SFXN3: variants seen among roughly 807,000 people sequenced by gnomAD.
The protein encoded by SFXN3 is sideroflexin-3.
A neutral mutation model predicts 40.4 loss-of-function variants in SFXN3; 31 were observed. The ratio of observed to expected loss-of-function variants is 0.77; its 90% confidence interval spans 0.58 to 1.04. The LOEUF (loss-of-function observed/expected upper bound fraction) is 1.04. SFXN3 is among the 50% of genes least tolerant of loss of function. The probability of loss-of-function intolerance (pLI) is 0.00; values close to 1 mark genes in which losing one functional copy is unlikely to be tolerated. For missense variants in SFXN3, 366 were observed against 408.2 expected (o/e 0.90, Z 0.89); for synonymous variants, 157 against 160.0 (o/e 0.98, Z 0.14).
rs759590886 is a variant in SFXN3 at position 101,039,528 on chromosome 10, T to G, written c.909T>G (p.Ala303=). The G allele has an allele frequency of 5.5e-5, 88 of 1,613,948 alleles. No individual in the cohort carries two copies. Among genetic ancestry groups the G allele is most frequent in the Middle Eastern group, 1.6e-4 (1 of 6,082 alleles). Residue 303 remains alanine, a synonymous_variant, in exon 12 of 12, where the codon GCT becomes GCG. Coordinates refer to ENST00000393459, the Ensembl canonical transcript of SFXN3. This position sits in a 1 kb window ranked among gnomAD's most constrained non-coding sequence, Gnocchi z 4.6. ...GCAACCTGGAACCAGAGCTGAGAGC[T>G]CAGATCCATGAGCAAAACCCCAGCG... is the stretch of plus-strand genomic sequence containing the variant.
chr10:101,037,231 T>A (rs940071512), intron 8 of SFXN3, 28 bp downstream of exon 8: 13 of 1,613,258 alleles, frequency 8.1e-6, no homozygotes, highest in Non-Finnish European at 9.3e-6. Flanking sequence ...GGGTGGGGCA[T>A]AGGAGACTCT....
intron 2 of SFXN3, among the ~76,000 whole-genome samples, chr10:101,034,311 A>G (rs187539188): frequency 1.6e-3 from 247 of 152,280 alleles, no homozygotes; most frequent in African/African-American, 5.6e-3. Flanking sequence ...GCTTGTAAAC[A>G]TTTTGTTAAC....
In SFXN3 at chr10:101,037,061, C is replaced by T; in HGVS notation, c.594-15C>T. The T allele has an allele frequency of 6.2e-7, 1 of 1,613,352 alleles. No homozygotes were observed. Among genetic ancestry groups the T allele is most frequent in the South Asian group, 1.1e-5 (1 of 91,054 alleles). ...CCGGGGCCTGTGATCTGACCCCAAC[C>T]CCCCTCCCTTGCAGAGAGCTGCAGG... On this transcript the variant is annotated splice_polypyrimidine_tract_variant and intron_variant, in intron 7 of 11. Coordinates refer to ENST00000393459, the Ensembl canonical transcript of SFXN3.
At chr10:101,032,754 G>C (rs116881591) in intron 2 of SFXN3, among the ~76,000 whole-genome samples, 6,002 of 152,294 alleles carry the variant, frequency 0.039, 187 homozygotes, top group Non-Finnish European at 0.056. Context: ...TGTATGTCTG[G>C]GCAGGGTGTG....
chr10:101,034,826 A>G (rs151310034), exon 3 of SFXN3: 1 of 1,614,024 alleles, frequency 6.2e-7, no homozygotes, highest in African/African-American at 1.3e-5. Context: ...CACAGCTGGA[A>G]GCTTCTCGGA....
At chr10:101,032,529 A>G in intron 2 of SFXN3, 47 bp downstream of exon 2, 1 of 1,512,222 alleles carries the variant, frequency 6.6e-7, no homozygotes, top group Non-Finnish European at 8.9e-7. Flanking sequence ...AATGGGGGTC[A>G]GAGAAGGAGG....
Position 101,039,127 on chromosome 10 carries a change from C to T in SFXN3, c.822-48C>T, listed in dbSNP as rs1306323431. On this transcript the variant is annotated intron_variant, in intron 10 of 11. Transcript: ENST00000393459. This position sits in a 1 kb window ranked among gnomAD's most constrained non-coding sequence, Gnocchi z 4.6. ...TGGGGTGGGGTGCAGGGAGGGAACACCCTAAGGCCAAAGCTTTACAAACCT... is the reference window on the plus strand; with the variant it reads ...TGGGGTGGGGTGCAGGGAGGGAACATCCTAAGGCCAAAGCTTTACAAACCT... 4 of 1,558,588 alleles carry T rather than the reference C, an allele frequency of 2.6e-6. No individual in the cohort carries two copies. The highest frequency in any genetic ancestry group is 3.5e-6 in the Non-Finnish European group (4 of 1,129,676).
At chr10:101,031,268 G>C (rs1938167907) in exon 1 of SFXN3, 1 of 152,356 alleles carries the variant, frequency 6.6e-6, no homozygotes, top group Admixed American at 6.5e-5. Flanking sequence ...AGGGACAGCC[G>C]AGCGTTACCT....
At position 101,039,109 on chromosome 10, in the gene SFXN3, G is replaced by A. The variant is rs1203921223; in HGVS notation, c.822-66G>A. 2 of 1,365,744 alleles carry A rather than the reference G, an allele frequency of 1.5e-6. No homozygotes were observed. The highest frequency in any genetic ancestry group is 2.1e-6 in the Non-Finnish European group (2 of 954,890). 84.6% of individuals were successfully genotyped at this position (1,365,744 alleles called of 1,614,324 possible). On this transcript the variant is annotated intron_variant, in intron 10 of 11. Coordinates refer to ENST00000393459, the Ensembl canonical transcript of SFXN3. The surrounding 1 kb of genome is among the most constrained non-coding windows in gnomAD (Gnocchi z 4.6). ...AGGGCCTATCTCCAAGGATGGGGTG[G>A]GGTGCAGGGAGGGAACACCCTAAGG...
chr10:101,036,040 C>G lies in SFXN3; in HGVS notation c.370C>G (p.Gln124Glu). The G allele has an allele frequency of 6.2e-7, 1 of 1,614,070 alleles. No homozygotes were observed. The highest frequency in any genetic ancestry group is 8.5e-7 in the Non-Finnish European group (1 of 1,179,992). Residue 124 changes from glutamine to glutamate, a missense_variant, in exon 5 of 12, where the codon CAG becomes GAG. Coordinates refer to ENST00000393459, the Ensembl canonical transcript of SFXN3. This position sits in a 1 kb window ranked among gnomAD's most constrained non-coding sequence, Gnocchi z 4.2. The stretch of plus-strand genomic sequence containing the variant: ...CGTGGTGTTCTGGCAGTGGGTGAAT[C>G]AGTCCTTCAATGCCATTGTTAACTA...
chr10:101,032,095 A>G (rs571874102), intron 1 of SFXN3: 1 of 232,464 alleles, frequency 4.3e-6, no homozygotes, highest in Admixed American at 5.7e-5. Context: ...CTCTCTGGGC[A>G]CCTAGACCGC....
At position 101,038,478 on chromosome 10, in the gene SFXN3, G is replaced by A. The variant is rs74154274; in HGVS notation, c.772-165G>A. ...ACAGGCCTGGCTGGAGTGGAAGGGC[G>A]TGATCTGGAGGTCCCAGCCCTGTCA... On this transcript the variant is annotated intron_variant, in intron 9 of 11. Transcript: ENST00000393459. 1.7e-3 allele frequency: 2,453 copies of A among 1,483,584 alleles called. 42 individuals are homozygous for A. In the African/African-American group the frequency reaches 0.031, roughly 19 times the overall value. 91.9% of individuals were successfully genotyped at this position (1,483,584 alleles called of 1,614,324 possible).
At chr10:101,032,450 C>T (rs376437299) in exon 2 of SFXN3, 4 of 1,540,834 alleles carry the variant, frequency 2.6e-6, no homozygotes, top group African/African-American at 1.4e-5. Context: ...GAGAGGAAGG[C>T]GGTTCTGAGA....
At chr10:101,040,291 T>G (rs888045073) in exon 12 of SFXN3, 1 of 152,588 alleles carries the variant, frequency 6.6e-6, no homozygotes, top group East Asian at 1.9e-4. Flanking sequence ...CCCACCACCC[T>G]ACTTGACAGC....
At chr10:101,035,064 G>A (rs1469944684) in intron 3 of SFXN3, among the ~76,000 whole-genome samples, 1 of 152,234 alleles carries the variant, frequency 6.6e-6, no homozygotes, top group Non-Finnish European at 1.5e-5. Flanking sequence ...TTTATGGGAG[G>A]GGCTGCTCTA....
intron 9 of SFXN3, 76 bp downstream of exon 9, chr10:101,037,507 G>C (rs1326215105): frequency 6.2e-7 from 1 of 1,612,804 alleles, no homozygotes; most frequent in East Asian, 2.2e-5. Context: ...TCTCTCTCCA[G>C]CCTCGCCTGA....
chr10:101,034,868 C>T lies in SFXN3; in HGVS notation c.161+13C>T, dbSNP rs1410668986. 3 of 1,607,504 alleles carry T rather than the reference C, an allele frequency of 1.9e-6. No homozygotes were observed. The highest frequency in any genetic ancestry group is 2.5e-6 in the Non-Finnish European group (3 of 1,176,542). ...TGCAGAACTACAGGTGACCACCCCT[C>T]AATCTGACCCTGTGTGCCAGGATCT... On this transcript the variant is annotated intron_variant, in intron 3 of 11. Coordinates refer to ENST00000393459, the Ensembl canonical transcript of SFXN3.
chr10:101,037,001 G>A (rs1479650803), intron 7 of SFXN3, 75 bp from the exon 8 acceptor site: 13 of 1,586,246 alleles, frequency 8.2e-6, no homozygotes, highest in Non-Finnish European at 1.0e-5. Context: ...GGGACCCTGA[G>A]GAGCCGCTGC....
intron 3 of SFXN3, among the ~76,000 whole-genome samples, chr10:101,035,215 C>T (rs1938531505): frequency 6.6e-6 from 1 of 152,236 alleles, no homozygotes; most frequent in Admixed American, 6.5e-5. Flanking sequence ...ATGCTTGCAG[C>T]CATTTTTGAC....
Sources: allele counts gnomAD v4.1 joint callset (sites outside exome capture counted in the v4.1 genomes callset), GRCh38; gene constraint gnomAD v4.1.1; non-coding constraint Gnocchi (gnomAD v3.1); transcripts MANE v1.5; gene names NCBI Gene and HGNC (gene_info 2026-07-23, HGNC 2026-07-21).